Variants in ZSCAN5B observed in about 807,000 individuals in gnomAD.
The protein encoded by ZSCAN5B is zinc finger and SCAN domain-containing protein 5B.
A neutral mutation model predicts 25.2 loss-of-function variants in ZSCAN5B; 26 were observed. That is an observed-to-expected ratio of 1.03 (90% CI 0.76 to 1.43). The LOEUF (loss-of-function observed/expected upper bound fraction) is 1.43. ZSCAN5B is among the 40% of genes most tolerant of loss of function. ZSCAN5B has a pLI of 0.00. For synonymous variants in ZSCAN5B, 244 were observed against 240.9 expected, an observed-to-expected ratio of 1.01 and a Z score of -0.12; for missense variants, 745 against 622.1, an observed-to-expected ratio of 1.20 and a Z score of -2.10.
exon 5 of ZSCAN5B, chr19:56,190,457 G>T (rs759301098): frequency 1.2e-6 from 2 of 1,613,972 alleles, no homozygotes; most frequent in Non-Finnish European, 1.7e-6. Flanking sequence ...CATCTCCTCT[G>T]TTCCCGCTGT....
exon 5 of ZSCAN5B, chr19:56,189,861 T>C: frequency 6.2e-7 from 1 of 1,613,048 alleles, no homozygotes; most frequent in Non-Finnish European, 8.5e-7. Context: ...TGTTTTCAGG[T>C]GACGCTTGAA....
chr19:56,190,102 G>A (rs2122190021), exon 5 of ZSCAN5B: 1 of 1,613,976 alleles, frequency 6.2e-7, no homozygotes, highest in East Asian at 2.2e-5. Context: ...TCGCCAGTGT[G>A]GACTCGCTGG....
chr19:56,195,294 G>A (rs948723804), intron 1 of ZSCAN5B, among the ~76,000 whole-genome samples: 13 of 152,250 alleles, frequency 8.5e-5, no homozygotes, highest in African/African-American at 2.2e-4. Context: ...CCTCCAGAGC[G>A]AGAAAACACA....
Position 56,190,746 on chromosome 19 carries a change from G to A in ZSCAN5B, c.739+91C>T, listed in dbSNP as rs975425564. 1.9e-5 allele frequency: 29 copies of A among 1,547,288 alleles called. 1 individual carries two copies. The highest frequency in any genetic ancestry group is 9.0e-5 in the East Asian group (4 of 44,562). On this transcript the variant is annotated intron_variant, in intron 4 of 4. Transcript: ENST00000586855. The stretch of plus-strand genomic sequence containing the variant: ...GGAGGAGAGATTTTGGCAGCTGATC[G>A]CCAGCCCCAGGGGATGATAATGCTG...
intron 1 of ZSCAN5B, among the ~76,000 whole-genome samples, chr19:56,196,734 G>C (rs1000060764): frequency 6.6e-6 from 1 of 152,228 alleles, no homozygotes; most frequent in Non-Finnish European, 1.5e-5. Context: ...CTGTGCTCCA[G>C]CCTGGGAGAC....
exon 3 of ZSCAN5B, chr19:56,192,040 A>G: frequency 1.2e-6 from 2 of 1,612,526 alleles, no homozygotes; most frequent in East Asian, 2.2e-5. Context: ...TTTGCCGAGC[A>G]AGTTGACTAT....
intron 1 of ZSCAN5B, among the ~76,000 whole-genome samples, chr19:56,194,207 T>C (rs922673456): frequency 1.3e-5 from 2 of 151,840 alleles, no homozygotes; most frequent in African/African-American, 4.8e-5. Context: ...TTATTGTCTC[T>C]GGGAGTTTCT....
Position 56,192,655 on chromosome 19 carries a change from A to G in ZSCAN5B, c.384+14T>C, listed in dbSNP as rs200648167. The G allele has an allele frequency of 1.6e-4, 247 of 1,592,828 alleles. 1 individual carries two copies. In the African/African-American group the frequency reaches 3.1e-3, roughly 20 times the overall value. On this transcript the variant is annotated intron_variant, in intron 2 of 4. Transcript: ENST00000586855. ...GCTCCCCTTCCCTGCACCAATCACG[A>G]GGTTCCCACTCACCCATTTCTTGGG...
chr19:56,192,565 T>C, intron 2 of ZSCAN5B, 104 bp downstream of exon 2: 2 of 1,509,260 alleles, frequency 1.3e-6, no homozygotes, highest in South Asian at 2.7e-5. Flanking sequence ...ATCTCCTAGG[T>C]CAGGTATTTG....
At chr19:56,190,945 C>T (rs1013813516) in exon 4 of ZSCAN5B, 11 of 1,614,070 alleles carry the variant, frequency 6.8e-6, no homozygotes, top group Non-Finnish European at 9.3e-6. Flanking sequence ...GAGTTTGGGT[C>T]ACCTGTTACG....
At position 56,192,063 on chromosome 19, in the gene ZSCAN5B, G is replaced by GA; in HGVS notation, c.385-11dup. The GA allele has an allele frequency of 6.2e-7, 1 of 1,605,228 alleles. No homozygotes were observed. Among genetic ancestry groups the GA allele is most frequent in the Non-Finnish European group, 8.5e-7 (1 of 1,176,016 alleles). ...GCAAGTTGACTATAGACTGTAGAGAGAAAAAAGACAATCAGACACTATGAG... is the reference window on the plus strand; with the variant it reads ...GCAAGTTGACTATAGACTGTAGAGAGAAAAAAAGACAATCAGACACTATGAG... On this transcript the variant is annotated splice_polypyrimidine_tract_variant and intron_variant, in intron 2 of 4. Coordinates refer to ENST00000586855, the Ensembl canonical transcript of ZSCAN5B.
Position 56,191,755 on chromosome 19 carries a change from C to T in ZSCAN5B, c.588+95G>A, listed in dbSNP as rs561854949. On this transcript the variant is annotated intron_variant, in intron 3 of 4. Transcript: ENST00000586855. ...CCATGGGGAATGGCTCTAATCTTGT[C>T]CTGTGCCAAATCTCTCAATCAGTTC... The T allele has an allele frequency of 7.3e-5, 95 of 1,298,490 alleles. 1 individual carries two copies. In the African/African-American group the frequency reaches 1.2e-3, roughly 17 times the overall value. The allele number at this position is 1,298,490 out of a possible 1,614,324, so 80.4% of individuals were successfully genotyped here. A position where few individuals can be genotyped will look rare whatever the true frequency, so the allele number is the denominator to read the frequency against.
At chr19:56,189,841 T>C in exon 5 of ZSCAN5B, 1 of 1,606,604 alleles carries the variant, frequency 6.2e-7, no homozygotes, top group South Asian at 1.1e-5. Flanking sequence ...TGGGAGGTGG[T>C]TTCCCGGTGT....
At chr19:56,194,151 T>C (rs1192987618) in intron 1 of ZSCAN5B, among the ~76,000 whole-genome samples, 1 of 151,932 alleles carries the variant, frequency 6.6e-6, no homozygotes, top group Non-Finnish European at 1.5e-5. Flanking sequence ...AGGAATTACC[T>C]CCTGCCCCAA....
exon 5 of ZSCAN5B, chr19:56,190,224 A>AATG: frequency 6.2e-7 from 1 of 1,613,986 alleles, no homozygotes; most frequent in African/African-American, 1.3e-5. Context: ...AAAATACTTA[A>AATG]ATGATTTATT....
intron 1 of ZSCAN5B, 93 bp from the exon 2 acceptor site, chr19:56,193,272 T>G (rs2032765327): frequency 1.9e-6 from 1 of 532,600 alleles, no homozygotes; most frequent in South Asian, 3.1e-5. Flanking sequence ...GGACCCCACT[T>G]GTCCATGGGC....
Position 56,191,959 on chromosome 19 carries a change from T to A in ZSCAN5B, c.479A>T (p.Asp160Val), listed in dbSNP as rs1165126304. Reference sequence around the variant, plus strand: ...AGAGGAGGCCCACTGGCTGGACACGTCTCTCGGATCATCTCTGACACTGGC... The same window carrying A: ...AGAGGAGGCCCACTGGCTGGACACGACTCTCGGATCATCTCTGACACTGGC... The change falls in exon 3 of 5, where the codon GAC (aspartate) becomes GTC (valine). Residue 160 changes from aspartate (D) to valine (V), a missense_variant. Transcript: ENST00000586855. The A allele has an allele frequency of 5.0e-6, 8 of 1,613,870 alleles. No homozygotes were observed. Among genetic ancestry groups the A allele is most frequent in the Non-Finnish European group, 6.8e-6 (8 of 1,179,944 alleles).
At chr19:56,192,738 C>A in exon 2 of ZSCAN5B, 11 of 1,603,404 alleles carry the variant, frequency 6.9e-6, no homozygotes, top group Non-Finnish European at 9.4e-6. Flanking sequence ...CACCGTTCAC[C>A]TTGACTAAGA....
At chr19:56,197,701 G>T (rs1005045019) in intron 1 of ZSCAN5B, 33 bp downstream of exon 1, 34 of 981,558 alleles carry the variant, frequency 3.5e-5, no homozygotes, top group African/African-American at 2.1e-4. Context: ...TGCCAGCTCC[G>T]AAACCCCACA....
Sources: gnomAD v4.1 joint callset for allele counts (sites outside exome capture counted in the v4.1 genomes callset) on GRCh38, gnomAD v4.1.1 for gene constraint, MANE v1.5 for transcripts, NCBI Gene and HGNC (gene_info 2026-07-23, HGNC 2026-07-21) for gene names.